VPS35L: variants seen among roughly 807,000 people sequenced by gnomAD.
The protein encoded by VPS35L is VPS35 endosomal protein sorting factor like.
Under a neutral mutation model 133.0 loss-of-function variants are expected in VPS35L, and 83 were observed. The ratio of observed to expected loss-of-function variants is 0.62; its 90% confidence interval spans 0.52 to 0.75. The LOEUF is 0.75. Among genes scored for constraint, VPS35L ranks in the 30% least tolerant of loss-of-function variants. The pLI is 0.00. For missense variants in VPS35L, 1,083 were observed against 1,206.8 expected, an observed-to-expected ratio of 0.90 and a Z score of 1.52; for synonymous variants, 423 against 449.9, an observed-to-expected ratio of 0.94 and a Z score of 0.76.
chr16:19,560,874 T>G (rs544691909), intron 1 of VPS35L, among the ~76,000 whole-genome samples: 2 of 152,048 alleles, frequency 1.3e-5, no homozygotes, highest in African/African-American at 4.8e-5. Context: ...ATGACTCTTA[T>G]TCAAATTTAT....
chr16:19,638,845 C>T (rs1182482246), intron 20 of VPS35L, among the ~76,000 whole-genome samples: 2 of 152,202 alleles, frequency 1.3e-5, no homozygotes, highest in East Asian at 1.9e-4. Context: ...TGGCTCACAC[C>T]TGTAAACCCA....
chr16:19,581,050 G>A (rs1359152908), intron 6 of VPS35L, among the ~76,000 whole-genome samples: 1 of 152,088 alleles, frequency 6.6e-6, no homozygotes, highest in Non-Finnish European at 1.5e-5. Context: ...ATATCCGTCT[G>A]TCTTCAGAAT....
At chr16:19,643,818 C>T (rs1217508724) in intron 22 of VPS35L, among the ~76,000 whole-genome samples, 31 of 151,764 alleles carry the variant, frequency 2.0e-4, no homozygotes, top group Admixed American at 2.0e-3. Flanking sequence ...ATTAGCTGGG[C>T]GCCTTGGAAC....
At chr16:19,617,561 ATTTTTCTTTTCT>A (rs1191563921) in intron 14 of VPS35L, 3 of 152,118 alleles carry the variant, frequency 2.0e-5, no homozygotes, top group Non-Finnish European at 4.4e-5. Flanking sequence ...TTATAATTTT[ATTTTTCTTTTCT>A]TTTTTCTTTT....
chr16:19,584,265 T>C (rs1971794849), intron 7 of VPS35L, among the ~76,000 whole-genome samples: 1 of 152,208 alleles, frequency 6.6e-6, no homozygotes. Context: ...TTTTAGTTTT[T>C]TGAGAAATTT....
intron 7 of VPS35L, among the ~76,000 whole-genome samples, chr16:19,588,851 C>T (rs1268629977): frequency 6.6e-6 from 1 of 152,136 alleles, no homozygotes; most frequent in Non-Finnish European, 1.5e-5. Flanking sequence ...CCAGATAATG[C>T]TAAGTTATTT....
chr16:19,666,876 CTT>C lies in VPS35L; in HGVS notation c.2222-2282_2222-2281del, dbSNP rs1227354082. Among the ~76,000 whole-genome samples, 3 of 84,712 alleles carry C rather than the reference CTT, an allele frequency of 3.5e-5. No homozygotes were observed. In the Admixed American group the frequency reaches 4.2e-4, roughly 12 times the overall value. 55.6% of individuals were successfully genotyped at this position (84,712 alleles called of 152,430 possible). A position where few individuals can be genotyped will look rare whatever the true frequency, so the allele number is the denominator to read the frequency against. On this transcript the variant is annotated intron_variant, in intron 26 of 30. Coordinates refer to ENST00000417362, the MANE Select transcript of VPS35L (RefSeq NM_020314.7). The stretch of plus-strand genomic sequence containing the variant: ...GTTCCATAAGTAGGGCCATGTTTTT[CTT>C]TCTTTCTTTCTTTCTTTCTTTCTTT...
At position 19,672,290 on chromosome 16, in the gene VPS35L, G is replaced by T. The variant is rs967156234; in HGVS notation, c.2361+2991G>T. ...TAAAAGCCCCCTTCAGTGATTCAGG[G>T]GTAAGTGGTCCTAGGACCATATTTG... On this transcript the variant is annotated intron_variant, in intron 27 of 30. Coordinates refer to ENST00000417362, the MANE Select transcript of VPS35L (RefSeq NM_020314.7). 2.0e-5 allele frequency among the ~76,000 whole-genome samples: 3 copies of T among 152,246 alleles called. No homozygotes were observed. The South Asian group carries it at 6.2e-4, about 32-fold the overall frequency.
rs1972924877 is a variant in VPS35L, at chr16:19,617,217, A to G, written c.1224+409A>G. 5 of 456,974 alleles carry G rather than the reference A, an allele frequency of 1.1e-5. No individual in the cohort carries two copies. The South Asian group carries it at 1.3e-4, about 12-fold the overall frequency. 28.3% of individuals were successfully genotyped at this position (456,974 alleles called of 1,614,324 possible). On this transcript the variant is annotated intron_variant, in intron 14 of 30. Coordinates refer to ENST00000417362, the MANE Select transcript of VPS35L (RefSeq NM_020314.7). ...CAAAAAAATAGAAAAAATTAGCCAGACACGGTGATATATGCCTATAGTCCC... is the reference window on the plus strand; with the variant it reads ...CAAAAAAATAGAAAAAATTAGCCAGGCACGGTGATATATGCCTATAGTCCC...
At chr16:19,596,955 G>T (rs1972235308) in intron 8 of VPS35L, among the ~76,000 whole-genome samples, 2 of 152,050 alleles carry the variant, frequency 1.3e-5, no homozygotes, top group South Asian at 2.1e-4. Context: ...GGAGGCAGAG[G>T]TTGCAGTGAA....
Position 19,642,484 on chromosome 16 carries a change from A to C in VPS35L, c.1865+8A>C. 2 of 1,607,758 alleles carry C rather than the reference A, an allele frequency of 1.2e-6. No homozygotes were observed. Among genetic ancestry groups the C allele is most frequent in the Non-Finnish European group, 1.7e-6 (2 of 1,175,140 alleles). On this transcript the variant is annotated splice_region_variant and intron_variant, in intron 22 of 30. Transcript: ENST00000417362. ...CATGCATGACTCTGTGAAGTAAGCCATGCTTACAGCTGAAATATAACATGG... is the reference window on the plus strand; with the variant it reads ...CATGCATGACTCTGTGAAGTAAGCCCTGCTTACAGCTGAAATATAACATGG...
chr16:19,663,479 C>G (rs1175686635), intron 26 of VPS35L, among the ~76,000 whole-genome samples: 1 of 151,920 alleles, frequency 6.6e-6, no homozygotes, highest in African/African-American at 2.4e-5. Context: ...AAGATAGGCT[C>G]ACACGTATAC....
At chr16:19,608,834 T>G in intron 10 of VPS35L, 140 bp from the exon 11 acceptor site, 1 of 634,846 alleles carries the variant, frequency 1.6e-6, no homozygotes, top group South Asian at 2.0e-5. Context: ...ATAAGCTACC[T>G]TAGTTCGCTG....
Position 19,646,469 on chromosome 16 carries a change from C to T in VPS35L, c.1930-1315C>T, listed in dbSNP as rs533511725. 2.0e-5 allele frequency among the ~76,000 whole-genome samples: 3 copies of T among 152,140 alleles called. No homozygotes were observed. The South Asian group carries it at 6.2e-4, about 32-fold the overall frequency. ...GGATCACCTGCGGTCAGGTCGAGAC[C>T]AGCCTCACCAACATGGTGAAACCCT... On this transcript the variant is annotated intron_variant, in intron 23 of 30. Coordinates refer to ENST00000417362, the MANE Select transcript of VPS35L (RefSeq NM_020314.7).
intron 2 of VPS35L, among the ~76,000 whole-genome samples, chr16:19,568,504 T>C (rs910590478): frequency 2.0e-5 from 3 of 152,142 alleles, no homozygotes; most frequent in Non-Finnish European, 4.4e-5. Context: ...GGAATGGGGC[T>C]GAAAGCTCCA....
At chr16:19,568,646 GCTCTGT>G (rs1971265939) in intron 2 of VPS35L, among the ~76,000 whole-genome samples, 1 of 152,010 alleles carries the variant, frequency 6.6e-6, no homozygotes, top group African/African-American at 2.4e-5. Flanking sequence ...GGTATTAGGA[GCTCTGT>G]GGGAGGAACT....
chr16:19,626,226 A>G lies in VPS35L; in HGVS notation c.1271+3A>G, dbSNP rs544101573. On this transcript the variant is annotated splice_donor_region_variant and intron_variant, in intron 15 of 30. Transcript: ENST00000417362. ...AGGTGTAAGAAACTAGGAAACAAGT[A>G]AGTATTTTAAGATTCATAAAGCATG... The G allele has an allele frequency of 5.0e-6, 8 of 1,596,524 alleles. No individual in the cohort carries two copies. Among genetic ancestry groups the G allele is most frequent in the Non-Finnish European group, 6.9e-6 (8 of 1,167,704 alleles).
chr16:19,645,053 T>C, intron 23 of VPS35L, 104 bp downstream of exon 23: 1 of 723,222 alleles, frequency 1.4e-6, no homozygotes, highest in Non-Finnish European at 2.2e-6. Flanking sequence ...GTGCTTTTCA[T>C]TCTTAGTGAG....
intron 24 of VPS35L, among the ~76,000 whole-genome samples, chr16:19,648,783 G>A (rs925770424): frequency 8.7e-5 from 13 of 150,126 alleles, no homozygotes; most frequent in Admixed American, 1.3e-4. Flanking sequence ...CAGAAGAATC[G>A]CTTAAATCTG....
Sources: allele counts gnomAD v4.1 joint callset (sites outside exome capture counted in the v4.1 genomes callset), GRCh38; gene constraint gnomAD v4.1.1; transcripts MANE v1.5; gene names NCBI Gene and HGNC (gene_info 2026-07-23, HGNC 2026-07-21).